Variants in SLC11A2 observed in about 807,000 individuals in gnomAD.
The protein encoded by SLC11A2 is natural resistance-associated macrophage protein 2.
In SLC11A2, 38 loss-of-function variants were observed where a neutral mutation model predicts 68.0. The ratio of observed to expected loss-of-function variants is 0.56; its 90% CI spans 0.43 to 0.73. SLC11A2 has a LOEUF of 0.73. Among genes scored for constraint, SLC11A2 ranks in the 30% least tolerant of loss-of-function variants. The pLI is 0.00. For synonymous variants in SLC11A2, 242 were observed against 250.6 expected, an observed-to-expected ratio of 0.97 and a Z score of 0.32; for missense variants, 517 against 690.5, an observed-to-expected ratio of 0.75 and a Z score of 2.82.
chr12:51,025,566 C>G (rs1944325322), intron 1 of SLC11A2: 1 of 177,878 alleles, frequency 5.6e-6, no homozygotes, highest in Non-Finnish European at 1.1e-5. Flanking sequence ...TGCAAACTCT[C>G]CTTCCATATA....
intron 1 of SLC11A2, among the ~76,000 whole-genome samples, chr12:51,018,461 A>G (rs1366958388): frequency 6.6e-6 from 1 of 151,676 alleles, no homozygotes; most frequent in East Asian, 1.9e-4. Flanking sequence ...GAGTATTAAT[A>G]TATACAACTT....
chr12:50,997,798 G>C (rs568040742), intron 8 of SLC11A2, among the ~76,000 whole-genome samples: 2 of 150,854 alleles, frequency 1.3e-5, no homozygotes, highest in East Asian at 3.9e-4. Context: ...GACCAGCCTG[G>C]CAAACATAGT....
Position 51,000,445 on chromosome 12 carries a change from C to T in SLC11A2, c.430-26G>A, listed in dbSNP as rs536076367. 82 of 1,527,552 alleles carry T rather than the reference C, an allele frequency of 5.4e-5. 1 individual carries two copies. In the South Asian group the frequency reaches 8.5e-4, roughly 16 times the overall value. The allele number at this position is 1,527,552 out of a possible 1,614,324, so 94.6% of individuals were successfully genotyped here. ...CTAAACATCAAACAGTAGAAAGACA[C>T]GGTTCTGATTAATCATTTCTAAAAA... On this transcript the variant is annotated intron_variant, in intron 5 of 15. Transcript: ENST00000262052.
chr12:51,026,513 G>C (rs1246583141), upstream of SLC11A2: 2 of 462,706 alleles, frequency 4.3e-6, no homozygotes, highest in Non-Finnish European at 7.2e-6. Flanking sequence ...CCCACGCGGA[G>C]TCTGGATGCG....
chr12:50,987,594 G>C lies in SLC11A2; in HGVS notation c.*731C>G. On this transcript the variant is annotated 3_prime_UTR_variant, in exon 16 of 16. Transcript: ENST00000262052. ...TCTGTACTAACAGGCAGGTTATTAA[G>C]ACTCCCAAGAAATCCTCATAAGCTT... 7.8e-7 allele frequency: 1 copy of C among 1,287,186 alleles called. No individual in the cohort carries two copies. 79.7% of individuals were successfully genotyped at this position (1,287,186 alleles called of 1,614,324 possible).
downstream of SLC11A2, among the ~76,000 whole-genome samples, chr12:50,982,938 CAAA>C (rs34727368): frequency 1.3e-3 from 118 of 90,020 alleles, 1 homozygote; most frequent in Middle Eastern, 6.0e-3. Flanking sequence ...GAGACTCCGT[CAAA>C]AAAAAAAAAA....
the SLC11A2 span, among the ~76,000 whole-genome samples, chr12:50,961,785 C>A: frequency 2.0e-5 from 3 of 152,136 alleles, no homozygotes; most frequent in African/African-American, 7.2e-5. Flanking sequence ...CCCTTCATGA[C>A]GTGCAGAGTG....
In SLC11A2 at chr12:50,987,075, A is replaced by G. The variant is rs1940652329; in HGVS notation, c.*1250T>C. 1.6e-6 allele frequency: 2 copies of G among 1,286,610 alleles called. No individual in the cohort carries two copies. The highest frequency in any genetic ancestry group is 1.2e-5 in the South Asian group (1 of 80,774). The allele number at this position is 1,286,610 out of a possible 1,614,324, so 79.7% of individuals were successfully genotyped here. Reference sequence around the variant, plus strand: ...CACAATCTCAGGCTCGGTATGTAAAAATGTCAGAAGTGGCTGAAGTAAAAG... The same window carrying G: ...CACAATCTCAGGCTCGGTATGTAAAGATGTCAGAAGTGGCTGAAGTAAAAG... On this transcript the variant is annotated 3_prime_UTR_variant, in exon 16 of 16. Coordinates refer to ENST00000262052, the MANE Select transcript of SLC11A2 (RefSeq NM_000617.3).
chr12:50,987,803 T>C lies in SLC11A2; in HGVS notation c.*522A>G. The stretch of plus-strand genomic sequence containing the variant: ...CCTGATAGAGCTAGGTGTCTCTTCA[T>C]TTTATATTTCATATGGATGAAGCTA... On this transcript the variant is annotated 3_prime_UTR_variant, in exon 16 of 16. Coordinates refer to ENST00000262052, the MANE Select transcript of SLC11A2 (RefSeq NM_000617.3). 1 of 1,269,960 alleles carries C rather than the reference T, an allele frequency of 7.9e-7. No individual in the cohort carries two copies. Among genetic ancestry groups the C allele is most frequent in the Non-Finnish European group, 1.0e-6 (1 of 982,366 alleles). The allele number at this position is 1,269,960 out of a possible 1,614,324, so 78.7% of individuals were successfully genotyped here. A position where few individuals can be genotyped will look rare whatever the true frequency, so the allele number is the denominator to read the frequency against.
the SLC11A2 span, among the ~76,000 whole-genome samples, chr12:50,968,852 T>A: frequency 3.9e-5 from 6 of 152,132 alleles, 1 homozygote; most frequent in East Asian, 7.8e-4. Context: ...CTAATTTTTT[T>A]ATTTTTTTGT....
chr12:51,023,149 A>C (rs1944157267), intron 1 of SLC11A2, among the ~76,000 whole-genome samples: 1 of 152,262 alleles, frequency 6.6e-6, no homozygotes, highest in Non-Finnish European at 1.5e-5. Context: ...TAAATTATAA[A>C]AAGAATAAAT....
At chr12:50,984,155 G>A (rs1241283266), downstream of SLC11A2, among the ~76,000 whole-genome samples, 1 of 151,616 alleles carries the variant, frequency 6.6e-6, no homozygotes, top group Non-Finnish European at 1.5e-5. Flanking sequence ...AAAATGCCAA[G>A]TACACCAATA....
intron 14 of SLC11A2, among the ~76,000 whole-genome samples, 169 bp from the exon 15 acceptor site, chr12:50,991,117 A>G (rs1392899335): frequency 1.3e-5 from 2 of 152,202 alleles, no homozygotes; most frequent in East Asian, 3.8e-4. Flanking sequence ...AAAGTTAGAT[A>G]CTGGTAGACA....
intron 1 of SLC11A2, among the ~76,000 whole-genome samples, chr12:51,015,239 G>A (rs1951842294): frequency 6.6e-6 from 1 of 150,938 alleles, no homozygotes; most frequent in South Asian, 2.1e-4. Flanking sequence ...ACTTTGGGAG[G>A]CTGAGGCAGG....
chr12:50,992,159 C>T (rs752712934), intron 13 of SLC11A2, 31 bp downstream of exon 13: 47 of 1,612,142 alleles, frequency 2.9e-5, no homozygotes, highest in Non-Finnish European at 3.6e-5. Context: ...ACCTGAATAA[C>T]TAGGATGTGT....
chr12:50,966,806 G>GTTTAAC, the SLC11A2 span, among the ~76,000 whole-genome samples: 38,704 of 151,760 alleles, frequency 0.26, 5,192 homozygotes, highest in South Asian at 0.36. Flanking sequence ...TAAAGCAATG[G>GTTTAAC]TTTAACATAA....
At chr12:50,960,240 A>C in the SLC11A2 span, among the ~76,000 whole-genome samples, 1 of 152,196 alleles carries the variant, frequency 6.6e-6, no homozygotes, top group East Asian at 1.9e-4. Flanking sequence ...GTTTCACTTT[A>C]TATAGAAGCA....
intron 11 of SLC11A2, chr12:50,993,160 C>A: frequency 2.1e-6 from 1 of 484,072 alleles, no homozygotes; most frequent in Non-Finnish European, 3.7e-6. Context: ...CCTTTCTCTT[C>A]TCCAAGCTCC....
the SLC11A2 span, among the ~76,000 whole-genome samples, chr12:50,963,791 T>C: frequency 6.6e-6 from 1 of 152,190 alleles, no homozygotes; most frequent in Admixed American, 6.5e-5. Flanking sequence ...ACCCTGGTAA[T>C]AAAAGGAAAG....
Sources: allele counts gnomAD v4.1 joint callset (sites outside exome capture counted in the v4.1 genomes callset), GRCh38; gene constraint gnomAD v4.1.1; transcripts MANE v1.5; gene names NCBI Gene and HGNC (gene_info 2026-07-23, HGNC 2026-07-21).